Variants in GALNTL6 observed in about 807,000 individuals in gnomAD.
GALNTL6 encodes polypeptide N-acetylgalactosaminyltransferase like 6, also known as polypeptide N-acetylgalactosaminyltransferase-like 6.
In GALNTL6, 46 loss-of-function variants were observed where a neutral mutation model predicts 73.7. The observed-to-expected ratio is 0.62, with a 90% confidence interval of 0.49 to 0.80. The LOEUF (loss-of-function observed/expected upper bound fraction) is 0.80. Ranked by LOEUF, GALNTL6 falls within the 30% of genes least tolerant of loss-of-function variation. The pLI is 0.00. For missense variants in GALNTL6, 604 were observed against 755.0 expected (o/e 0.80, Z 2.34); for synonymous variants, 259 against 263.7 (o/e 0.98, Z 0.17).
At chr4:172,465,777 AC>A (rs1312581632) in intron 5 of GALNTL6, among the ~76,000 whole-genome samples, 1 of 152,220 alleles carries the variant, frequency 6.6e-6, no homozygotes, top group Non-Finnish European at 1.5e-5. Flanking sequence ...AGTCTGTCAA[AC>A]AACCCAGGGT....
At chr4:171,830,238 C>A (rs753996535) in intron 2 of GALNTL6, among the ~76,000 whole-genome samples, 4 of 152,200 alleles carry the variant, frequency 2.6e-5, no homozygotes, top group Admixed American at 6.5e-5. Flanking sequence ...CCTGCCAACA[C>A]CTTGATTTCA....
intron 5 of GALNTL6, among the ~76,000 whole-genome samples, chr4:172,389,594 C>T (rs767542100): frequency 1.3e-4 from 19 of 151,972 alleles, no homozygotes; most frequent in Admixed American, 3.3e-4. Flanking sequence ...AGCTAAAATC[C>T]AAGCTCAGTG....
At chr4:172,552,837 T>TAGAAAAA (rs1736004285) in intron 5 of GALNTL6, among the ~76,000 whole-genome samples, 1 of 80,410 alleles carries the variant, frequency 1.2e-5, no homozygotes, top group African/African-American at 5.9e-5. Flanking sequence ...GTAATTGCAG[T>TAGAAAAA]AAAAAAAAAA....
At chr4:172,686,052 T>G (rs1335009745) in intron 5 of GALNTL6, among the ~76,000 whole-genome samples, 1 of 152,200 alleles carries the variant, frequency 6.6e-6, no homozygotes, top group Non-Finnish European at 1.5e-5. Flanking sequence ...TCAAAATAAT[T>G]AGACCACTAT....
intron 2 of GALNTL6, among the ~76,000 whole-genome samples, chr4:172,066,432 T>C (rs1244761240): frequency 3.9e-5 from 6 of 152,224 alleles, no homozygotes; most frequent in Non-Finnish European, 7.3e-5. Flanking sequence ...TTCTTTGCTT[T>C]AGTAAGATAA....
At position 172,849,942 on chromosome 4, in the gene GALNTL6, CACTT is replaced by C. The variant is rs376795304; in HGVS notation, c.924-32846_924-32843del. ...AATCTTTAACACTTGGCAAAAATGT[CACTT>C]AATTTCTTGCTGGAAAGGTGCGACC... On this transcript the variant is annotated intron_variant, in intron 7 of 12. Coordinates refer to ENST00000506823, the MANE Select transcript of GALNTL6 (RefSeq NM_001034845.3). 2.8e-3 allele frequency among the ~76,000 whole-genome samples: 430 copies of C among 152,272 alleles called. 2 individuals carry two copies. Among genetic ancestry groups the C allele is most frequent in the Middle Eastern group, 0.01 (3 of 294 alleles).
At chr4:171,903,251 A>C (rs1313986729) in intron 2 of GALNTL6, among the ~76,000 whole-genome samples, 1 of 152,050 alleles carries the variant, frequency 6.6e-6, no homozygotes, top group Non-Finnish European at 1.5e-5. Flanking sequence ...CTCACTAGGG[A>C]GTGCCAGACA....
intron 3 of GALNTL6, among the ~76,000 whole-genome samples, chr4:172,241,717 A>G (rs1737440209): frequency 6.6e-6 from 1 of 152,218 alleles, no homozygotes; most frequent in Admixed American, 6.5e-5. Flanking sequence ...CTTTTATCCA[A>G]TTAACTCTGA....
intron 2 of GALNTL6, among the ~76,000 whole-genome samples, chr4:171,891,298 C>T (rs1159536109): frequency 2.0e-5 from 3 of 152,172 alleles, no homozygotes; most frequent in African/African-American, 4.8e-5. Context: ...ACCAAGGCAG[C>T]CACCTTCAGG....
intron 2 of GALNTL6, among the ~76,000 whole-genome samples, chr4:172,124,959 CTT>C (rs1424096821): frequency 1.3e-5 from 2 of 151,866 alleles, no homozygotes; most frequent in Admixed American, 6.6e-5. Flanking sequence ...TTGAGGAAAA[CTT>C]TGCTTTTTTA....
At chr4:172,201,112 G>T (rs1279120364) in intron 2 of GALNTL6, among the ~76,000 whole-genome samples, 1 of 151,102 alleles carries the variant, frequency 6.6e-6, no homozygotes, top group Non-Finnish European at 1.5e-5. Flanking sequence ...GAAACAACTG[G>T]AACCAAAACA....
intron 2 of GALNTL6, among the ~76,000 whole-genome samples, chr4:172,120,382 C>T (rs28488782): frequency 0.4 from 60,027 of 151,890 alleles, 12,120 homozygotes; most frequent in Non-Finnish European, 0.42. Context: ...GGTACCTGTT[C>T]CCTGCCTTTT....
chr4:172,780,271 ATTTTC>A (rs1008047478), intron 5 of GALNTL6, among the ~76,000 whole-genome samples: 1 of 152,178 alleles, frequency 6.6e-6, no homozygotes, highest in Admixed American at 6.5e-5. Context: ...TGCCTTCAAG[ATTTTC>A]TTTTGGGCTT....
At position 172,779,002 on chromosome 4, in the gene GALNTL6, C is replaced by A. The variant is rs887259595; in HGVS notation, c.554-30359C>A. Among the ~76,000 whole-genome samples, 3 of 151,152 alleles carry A rather than the reference C, an allele frequency of 2.0e-5. No homozygotes were observed. The Admixed American group carries it at 2.0e-4, about 10-fold the overall frequency. ...TCTCTCTCTCTCTCTCACACACACA[C>A]TCCCATACACACACACACACACTCA... On this transcript the variant is annotated intron_variant, in intron 5 of 12. Transcript: ENST00000506823.
In GALNTL6 at chr4:172,328,414, C is replaced by T. The variant is rs182151359; in HGVS notation, c.386+16662C>T. 8.1e-4 allele frequency among the ~76,000 whole-genome samples: 123 copies of T among 152,048 alleles called. 2 individuals are homozygous for T. The South Asian group carries it at 0.016, about 20-fold the overall frequency. On this transcript the variant is annotated intron_variant, in intron 4 of 12. Transcript: ENST00000506823. ...AATCTTGTAGGGCTTCTCTGTATTTCCTGAATTTGATTGTTGGCTCCTCTA... is the reference window on the plus strand; with the variant it reads ...AATCTTGTAGGGCTTCTCTGTATTTTCTGAATTTGATTGTTGGCTCCTCTA...
chr4:172,557,104 C>T (rs113027257), intron 5 of GALNTL6, among the ~76,000 whole-genome samples: 2,874 of 152,190 alleles, frequency 0.019, 45 homozygotes, highest in Middle Eastern at 0.082. Context: ...GTAACCCTTT[C>T]GTTGCATTTT....
chr4:172,224,140 A>G (rs948757412), intron 2 of GALNTL6, among the ~76,000 whole-genome samples: 2 of 152,200 alleles, frequency 1.3e-5, no homozygotes, highest in African/African-American at 4.8e-5. Flanking sequence ...GATGAAAACA[A>G]TTGGCATTTA....
chr4:171,895,394 G>A (rs1199340582), intron 2 of GALNTL6, among the ~76,000 whole-genome samples: 1 of 152,088 alleles, frequency 6.6e-6, no homozygotes, highest in African/African-American at 2.4e-5. Flanking sequence ...TAGGGGGAGG[G>A]GAGTATCTAG....
chr4:171,869,949 A>G (rs1402780902), intron 2 of GALNTL6, among the ~76,000 whole-genome samples: 2 of 151,912 alleles, frequency 1.3e-5, no homozygotes, highest in Middle Eastern at 3.4e-3. Context: ...AATCTTGGGT[A>G]TGTCTTTATC....
Sources: gnomAD v4.1 joint callset for allele counts (sites outside exome capture counted in the v4.1 genomes callset) on GRCh38, gnomAD v4.1.1 for gene constraint, MANE v1.5 for transcripts, NCBI Gene and HGNC (gene_info 2026-07-23, HGNC 2026-07-21) for gene names.